The following FHIT variants were observed in gnomAD, a reference collection of about 807,000 sequenced individuals.
FHIT encodes bis(5'-adenosyl)-triphosphatase.
Under a neutral mutation model 17.9 loss-of-function variants are expected in FHIT, and 19 were observed. The ratio of observed to expected loss-of-function variants is 1.06; its 90% CI spans 0.74 to 1.56. The LOEUF is 1.56. Among genes scored for constraint, FHIT ranks in the 40% most tolerant of loss-of-function variants. The pLI, the probability that FHIT is intolerant of heterozygous loss-of-function variation, is 0.00. For missense variants in FHIT, 248 were observed against 189.2 expected (o/e 1.31, Z -1.82); for synonymous variants, 81 against 69.7 (o/e 1.16, Z -0.81).
chr3:60,720,843 T>C (rs1360201845), intron 4 of FHIT, among the ~76,000 whole-genome samples: 1 of 152,116 alleles, frequency 6.6e-6, no homozygotes, highest in Non-Finnish European at 1.5e-5. Context: ...GTAATATGAA[T>C]ACATGTAGTA....
intron 5 of FHIT, among the ~76,000 whole-genome samples, chr3:60,042,838 G>T (rs1299884899): frequency 2.6e-5 from 4 of 152,048 alleles, no homozygotes; most frequent in Non-Finnish European, 5.9e-5. Flanking sequence ...AAAGCTAGTG[G>T]CTGGGATAAT....
At chr3:60,458,584 G>GTAA (rs143805080) in intron 5 of FHIT, among the ~76,000 whole-genome samples, 28,519 of 150,626 alleles carry the variant, frequency 0.19, 4,373 homozygotes, top group African/African-American at 0.42. Context: ...AACTTAAAGT[G>GTAA]TAATAATAAT....
intron 1 of FHIT, among the ~76,000 whole-genome samples, chr3:61,243,234 C>G (rs1442695116): frequency 6.6e-6 from 1 of 152,126 alleles, no homozygotes; most frequent in Non-Finnish European, 1.5e-5. Context: ...ATATAAGCCC[C>G]CAGACCTAAC....
At chr3:60,846,769 G>A (rs532587417) in intron 3 of FHIT, among the ~76,000 whole-genome samples, 10 of 152,086 alleles carry the variant, frequency 6.6e-5, no homozygotes, top group African/African-American at 2.2e-4. Context: ...TTCATAACTT[G>A]GACATATGCA....
At position 59,894,385 on chromosome 3, in the gene FHIT, T is replaced by G. The variant is rs72872968; in HGVS notation, c.348+27961A>C. On this transcript the variant is annotated intron_variant, in intron 8 of 9. Transcript: ENST00000492590. ...ATAAATTAAGGCAACTTTCACAATG[T>G]CTAGCACATAATTTACACTTCATAA... Among the ~76,000 whole-genome samples the G allele has an allele frequency of 5.3e-3, 804 of 152,306 alleles. 10 individuals are homozygous for G. The highest frequency in any genetic ancestry group is 0.019 in the African/African-American group (770 of 41,568).
chr3:61,149,698 T>A (rs573077587), intron 2 of FHIT, among the ~76,000 whole-genome samples: 13 of 151,718 alleles, frequency 8.6e-5, no homozygotes, highest in African/African-American at 2.9e-4. Context: ...AGCAACATAG[T>A]GAGATCCAGT....
intron 5 of FHIT, among the ~76,000 whole-genome samples, chr3:60,060,682 G>A (rs1349921963): frequency 2.0e-5 from 3 of 152,272 alleles, no homozygotes; most frequent in African/African-American, 7.2e-5. Flanking sequence ...ATACATGGGT[G>A]TCTTAGGCAT....
intron 8 of FHIT, among the ~76,000 whole-genome samples, chr3:59,777,145 C>T (rs929230085): frequency 2.6e-5 from 4 of 152,132 alleles, no homozygotes; most frequent in African/African-American, 7.2e-5. Context: ...TATCCACCTT[C>T]GAAATGTCAG....
intron 7 of FHIT, among the ~76,000 whole-genome samples, chr3:59,959,770 T>C (rs1021019585): frequency 7.9e-5 from 12 of 152,186 alleles, no homozygotes; most frequent in Non-Finnish European, 1.6e-4. Context: ...CAAATTGAGA[T>C]AATACTTGAA....
At chr3:61,217,380 A>G (rs1027643442) in intron 1 of FHIT, among the ~76,000 whole-genome samples, 1 of 152,186 alleles carries the variant, frequency 6.6e-6, no homozygotes, top group African/African-American at 2.4e-5. Context: ...CATATCTGCC[A>G]GTTGTTGCTC....
intron 7 of FHIT, among the ~76,000 whole-genome samples, chr3:59,947,142 G>A (rs375645450): frequency 5.3e-5 from 8 of 152,212 alleles, no homozygotes; most frequent in South Asian, 2.1e-4. Context: ...TGTCTGGTCC[G>A]TGGCTTTTTC....
chr3:60,861,241 C>CATATATGAT (rs1553752478), intron 3 of FHIT, among the ~76,000 whole-genome samples: 12 of 37,122 alleles, frequency 3.2e-4, no homozygotes, highest in African/African-American at 1.0e-3. Flanking sequence ...TATATCATAT[C>CATATATGAT]ATATATGATA....
intron 5 of FHIT, among the ~76,000 whole-genome samples, chr3:60,237,262 ATTT>A (rs201958097): frequency 1.2e-4 from 15 of 124,844 alleles, no homozygotes; most frequent in African/African-American, 3.0e-4. Flanking sequence ...TTGTTTTTCC[ATTT>A]TTTTTTTTTT....
intron 8 of FHIT, among the ~76,000 whole-genome samples, chr3:59,902,511 T>G (rs1442806408): frequency 6.6e-6 from 1 of 152,018 alleles, no homozygotes; most frequent in Non-Finnish European, 1.5e-5. Flanking sequence ...ATCGTAGCAT[T>G]ATTCAAAACC....
intron 4 of FHIT, among the ~76,000 whole-genome samples, chr3:60,684,614 G>C (rs1430532050): frequency 1.3e-5 from 2 of 151,914 alleles, no homozygotes; most frequent in African/African-American, 4.8e-5. Flanking sequence ...CCGTGCCAGG[G>C]TCTCTTCCAA....
chr3:60,470,515 C>T (rs2107445530), intron 5 of FHIT, among the ~76,000 whole-genome samples: 1 of 152,114 alleles, frequency 6.6e-6, no homozygotes, highest in Non-Finnish European at 1.5e-5. Flanking sequence ...GAGAGTATTG[C>T]CTGGCTACCA....
intron 3 of FHIT, among the ~76,000 whole-genome samples, chr3:60,974,820 G>C (rs138497864): frequency 5.9e-4 from 90 of 152,228 alleles, no homozygotes; most frequent in African/African-American, 2.0e-3. Context: ...CAAGACATGA[G>C]GCCTGAAATT....
chr3:60,602,931 C>A (rs567337641), intron 4 of FHIT, among the ~76,000 whole-genome samples: 2 of 152,126 alleles, frequency 1.3e-5, no homozygotes, highest in African/African-American at 4.8e-5. Flanking sequence ...CCAAATCTGC[C>A]GGTACCTTGA....
chr3:60,878,984 T>A (rs553150002), intron 3 of FHIT, among the ~76,000 whole-genome samples: 123 of 152,340 alleles, frequency 8.1e-4, no homozygotes, highest in Non-Finnish European at 1.4e-3. Flanking sequence ...GCATGATTTA[T>A]AATCCTTTGA....
Sources: gnomAD v4.1 joint callset for allele counts (sites outside exome capture counted in the v4.1 genomes callset) on GRCh38, gnomAD v4.1.1 for gene constraint, MANE v1.5 for transcripts, NCBI Gene and HGNC (gene_info 2026-07-23, HGNC 2026-07-21) for gene names.